CMIP: variants seen among roughly 807,000 people sequenced by gnomAD.
The protein encoded by CMIP is c-Maf inducing protein.
A neutral mutation model predicts 97.3 loss-of-function variants in CMIP; 13 were observed. The ratio of observed to expected loss-of-function variants is 0.13; its 90% CI spans 0.09 to 0.21. The LOEUF (loss-of-function observed/expected upper bound fraction) is 0.21, where lower values mean the gene tolerates loss of function less well. Ranked by LOEUF, CMIP falls within the 10% of genes least tolerant of loss-of-function variation. CMIP has a pLI of 1.00. For missense variants in CMIP, 847 were observed against 1,024.9 expected (o/e 0.83, Z 2.37); for synonymous variants, 538 against 436.3 (o/e 1.23, Z -2.91).
intron 10 of CMIP, among the ~76,000 whole-genome samples, chr16:81,679,739 G>A (rs1904676244): frequency 6.6e-6 from 1 of 152,078 alleles, no homozygotes. Context: ...ACTCTAGGGT[G>A]GAGGGGAGTA....
intron 1 of CMIP, among the ~76,000 whole-genome samples, chr16:81,512,255 G>A (rs956644940): frequency 6.6e-6 from 1 of 152,164 alleles, no homozygotes; most frequent in Admixed American, 6.5e-5. Flanking sequence ...AGGTGTTTCT[G>A]TGCACTTCCA....
At chr16:81,669,444 C>T (rs1434071828) in intron 7 of CMIP, among the ~76,000 whole-genome samples, 4 of 132,992 alleles carry the variant, frequency 3.0e-5, no homozygotes, top group Admixed American at 7.3e-5. Flanking sequence ...ACCCCTCTCA[C>T]CTCCTTCCAC....
At chr16:81,447,306 A>G (rs1252481665) in intron 1 of CMIP, among the ~76,000 whole-genome samples, 4 of 150,452 alleles carry the variant, frequency 2.7e-5, no homozygotes, top group Non-Finnish European at 4.4e-5. Flanking sequence ...GAAAATGGTT[A>G]GAAGGAACAG....
intron 14 of CMIP, among the ~76,000 whole-genome samples, chr16:81,698,741 A>T (rs775751843): frequency 6.6e-6 from 1 of 152,182 alleles, no homozygotes; most frequent in African/African-American, 2.4e-5. Context: ...ACTGAAACTC[A>T]GCATCCATTA....
intron 1 of CMIP, among the ~76,000 whole-genome samples, chr16:81,462,621 G>A (rs1422639178): frequency 6.6e-6 from 1 of 152,228 alleles, no homozygotes; most frequent in Non-Finnish European, 1.5e-5. Context: ...TGCTTGAGCT[G>A]TGTTTAGTCT....
intron 1 of CMIP, among the ~76,000 whole-genome samples, chr16:81,526,031 C>T (rs1042207076): frequency 6.6e-6 from 1 of 150,706 alleles, no homozygotes; most frequent in East Asian, 1.9e-4. Flanking sequence ...TGTGTTCGTC[C>T]ATTCAGTTTG....
At chr16:81,496,023 G>T (rs1444744615) in intron 1 of CMIP, among the ~76,000 whole-genome samples, 1 of 152,166 alleles carries the variant, frequency 6.6e-6, no homozygotes, top group Non-Finnish European at 1.5e-5. Context: ...GTTGTTCCAG[G>T]GAAGGGAGAG....
intron 1 of CMIP, chr16:81,495,428 T>A: frequency 6.2e-7 from 1 of 1,605,602 alleles, no homozygotes; most frequent in East Asian, 2.2e-5. Flanking sequence ...CCGCTCTGTT[T>A]CCTGCGAGGA....
chr16:81,515,701 G>C (rs989928729), intron 1 of CMIP, among the ~76,000 whole-genome samples: 1 of 152,242 alleles, frequency 6.6e-6, no homozygotes, highest in South Asian at 2.1e-4. Context: ...AGCTGTGCCA[G>C]TCTGGGCCTG....
intron 1 of CMIP, among the ~76,000 whole-genome samples, chr16:81,597,971 C>T (rs1168522333): frequency 6.6e-6 from 1 of 151,964 alleles, no homozygotes; most frequent in African/African-American, 2.4e-5. Flanking sequence ...TGAATGACTT[C>T]ATGAATTCAG....
At chr16:81,617,688 C>G (rs2091938492) in intron 2 of CMIP, 1 of 152,264 alleles carries the variant, frequency 6.6e-6, no homozygotes, top group South Asian at 2.1e-4. Context: ...TCATTCGTTC[C>G]AGTGTAACCA....
chr16:81,614,885 ATGTG>A lies in CMIP; in HGVS notation c.427-5983_427-5980del, dbSNP rs763801834. 7.6e-5 allele frequency among the ~76,000 whole-genome samples: 11 copies of A among 145,412 alleles called. No homozygotes were observed. The highest frequency in any genetic ancestry group is 1.4e-4 in the Non-Finnish European group (9 of 66,240). On this transcript the variant is annotated intron_variant, in intron 2 of 20. Coordinates refer to ENST00000537098, the MANE Select transcript of CMIP (RefSeq NM_198390.3). The surrounding 1 kb of genome is among the most constrained non-coding windows in gnomAD (Gnocchi z 5.3). ...GTGTGCATGTGTGTGTGGTATGTGCATGTGTGTGTGTCCTGTGTCTATATGTGGT... is the reference window on the plus strand; with the variant it reads ...GTGTGCATGTGTGTGTGGTATGTGCATGTGTGTCCTGTGTCTATATGTGGT...
At chr16:81,492,459 G>GA (rs1219855420) in intron 1 of CMIP, among the ~76,000 whole-genome samples, 1 of 152,206 alleles carries the variant, frequency 6.6e-6, no homozygotes, top group African/African-American at 2.4e-5. Context: ...CGATGAAGAT[G>GA]AAAAAGTGTC....
intron 1 of CMIP, among the ~76,000 whole-genome samples, chr16:81,462,147 A>G (rs1176055452): frequency 3.3e-5 from 5 of 152,010 alleles, no homozygotes; most frequent in African/African-American, 1.2e-4. Flanking sequence ...TCCTGGTCTC[A>G]TTTCCATTCT....
At chr16:81,613,580 G>A (rs529236666) in intron 2 of CMIP, among the ~76,000 whole-genome samples, 11 of 152,308 alleles carry the variant, frequency 7.2e-5, no homozygotes, top group East Asian at 1.9e-4. Context: ...TGTGAGGCTC[G>A]TAGATATTAC....
chr16:81,601,424 G>A (rs952434673), intron 1 of CMIP, among the ~76,000 whole-genome samples: 6 of 152,086 alleles, frequency 3.9e-5, no homozygotes, highest in African/African-American at 1.2e-4. Flanking sequence ...TTCTGGGGGG[G>A]TCAGCTCACC....
intron 1 of CMIP, chr16:81,495,366 G>A (rs1304933076): frequency 6.6e-7 from 1 of 1,506,922 alleles, no homozygotes; most frequent in East Asian, 2.5e-5. Context: ...TGGATGGGCT[G>A]GGCGTGCATG....
chr16:81,450,524 A>C (rs1048745449), intron 1 of CMIP, among the ~76,000 whole-genome samples: 5 of 152,198 alleles, frequency 3.3e-5, no homozygotes, highest in African/African-American at 9.7e-5. Flanking sequence ...GCATACAGTG[A>C]CCAGGATTCC....
chr16:81,674,784 C>G (rs1413481769), intron 9 of CMIP, among the ~76,000 whole-genome samples: 1 of 152,040 alleles, frequency 6.6e-6, no homozygotes, highest in Non-Finnish European at 1.5e-5. Context: ...TGGGGTTTTA[C>G]TTTGTTGGCC....
Sources: gnomAD v4.1 joint callset for allele counts (sites outside exome capture counted in the v4.1 genomes callset) on GRCh38, gnomAD v4.1.1 for gene constraint, Gnocchi (gnomAD v3.1) non-coding constraint, MANE v1.5 for transcripts, NCBI Gene and HGNC (gene_info 2026-07-23, HGNC 2026-07-21) for gene names.